The following RSPO3 variants were observed in gnomAD, a reference collection of about 807,000 sequenced individuals.
RSPO3 encodes the protein R-spondin 3.
Under a neutral mutation model 36.5 loss-of-function variants are expected in RSPO3, and 17 were observed. The ratio of observed to expected loss-of-function variants is 0.47; its 90% CI spans 0.32 to 0.70. The LOEUF is 0.70. RSPO3 is among the 30% of genes least tolerant of loss of function. The probability of loss-of-function intolerance (pLI) is 0.04; values close to 1 mark genes in which losing one functional copy is unlikely to be tolerated. For missense variants in RSPO3, 294 were observed against 322.5 expected (o/e 0.91, Z 0.68); for synonymous variants, 108 against 107.0 (o/e 1.01, Z -0.06).
intron 1 of RSPO3, among the ~76,000 whole-genome samples, chr6:127,136,947 TG>T: frequency 6.6e-6 from 1 of 152,152 alleles, no homozygotes; most frequent in East Asian, 1.9e-4. Flanking sequence ...GAGCTTATTG[TG>T]GGGAGAAGGA....
intron 4 of RSPO3, among the ~76,000 whole-genome samples, chr6:127,181,329 C>A (rs1775182663): frequency 6.6e-6 from 1 of 151,638 alleles, no homozygotes; most frequent in African/African-American, 2.4e-5. Context: ...AATACAGTAC[C>A]CCATATATAA....
At chr6:127,129,913 T>C (rs1774017412) in intron 1 of RSPO3, among the ~76,000 whole-genome samples, 1 of 152,072 alleles carries the variant, frequency 6.6e-6, no homozygotes, top group African/African-American at 2.4e-5. Context: ...CTTGTAAACA[T>C]CCTTAGGTCA....
chr6:127,152,325 C>T (rs954117338), intron 3 of RSPO3, among the ~76,000 whole-genome samples: 2 of 152,110 alleles, frequency 1.3e-5, no homozygotes, highest in Non-Finnish European at 2.9e-5. Context: ...CGGTTGTTTG[C>T]TCAATAAGAG....
At chr6:127,176,842 C>T (rs1775066259) in intron 4 of RSPO3, among the ~76,000 whole-genome samples, 1 of 151,786 alleles carries the variant, frequency 6.6e-6, no homozygotes, top group East Asian at 1.9e-4. Context: ...GGCTGTCATT[C>T]CTTGAAGCTG....
At chr6:127,124,748 G>A (rs1773908034) in intron 1 of RSPO3, among the ~76,000 whole-genome samples, 2 of 152,008 alleles carry the variant, frequency 1.3e-5, no homozygotes, top group Non-Finnish European at 2.9e-5. Context: ...TGTAAAAGAT[G>A]CTAGCCATCT....
intron 4 of RSPO3, among the ~76,000 whole-genome samples, chr6:127,185,479 T>G (rs953538338): frequency 6.6e-6 from 1 of 152,094 alleles, no homozygotes; most frequent in African/African-American, 2.4e-5. Flanking sequence ...TCCTGAAGCA[T>G]AGTGAAACCA....
At chr6:127,160,440 G>A (rs2114600848) in intron 4 of RSPO3, among the ~76,000 whole-genome samples, 1 of 152,302 alleles carries the variant, frequency 6.6e-6, no homozygotes, top group Non-Finnish European at 1.5e-5. Flanking sequence ...TAAGCCAGTG[G>A]TGTTCAACAG....
At chr6:127,142,475 T>G (rs1459888177) in intron 1 of RSPO3, among the ~76,000 whole-genome samples, 4 of 152,170 alleles carry the variant, frequency 2.6e-5, no homozygotes, top group African/African-American at 9.7e-5. Flanking sequence ...AAATGTAATA[T>G]TACTCCAAAC....
At chr6:127,131,264 A>G (rs972596128) in intron 1 of RSPO3, among the ~76,000 whole-genome samples, 2 of 152,218 alleles carry the variant, frequency 1.3e-5, no homozygotes, top group Non-Finnish European at 2.9e-5. Flanking sequence ...TTCTAACAGA[A>G]TAAGGGAGAG....
At chr6:127,180,265 T>C (rs1775153814) in intron 4 of RSPO3, among the ~76,000 whole-genome samples, 1 of 151,582 alleles carries the variant, frequency 6.6e-6, no homozygotes, top group Admixed American at 6.6e-5. Flanking sequence ...TAGTTAACTA[T>C]GTAGTGTGAC....
At chr6:127,133,710 T>A (rs966208360) in intron 1 of RSPO3, among the ~76,000 whole-genome samples, 1 of 152,110 alleles carries the variant, frequency 6.6e-6, no homozygotes, top group Non-Finnish European at 1.5e-5. Context: ...ACCATATTTT[T>A]AAAAAGCTAA....
intron 1 of RSPO3, among the ~76,000 whole-genome samples, chr6:127,146,960 G>A (rs1481277950): frequency 6.6e-6 from 1 of 152,068 alleles, no homozygotes; most frequent in East Asian, 1.9e-4. Flanking sequence ...AAATGACCCT[G>A]TTACTTGGAA....
intron 1 of RSPO3, among the ~76,000 whole-genome samples, chr6:127,143,536 AT>A (rs771923657): frequency 2.1e-4 from 32 of 152,188 alleles, no homozygotes; most frequent in Non-Finnish European, 4.0e-4. Context: ...GAATTTATTA[AT>A]TTTTAATTAG....
At chr6:127,176,664 A>G (rs575757441) in intron 4 of RSPO3, among the ~76,000 whole-genome samples, 3 of 151,950 alleles carry the variant, frequency 2.0e-5, no homozygotes, top group South Asian at 2.1e-4. Flanking sequence ...TTTAGGATGA[A>G]TGTATAATAA....
In RSPO3 at chr6:127,171,139, T is replaced by C. The variant is rs1774925582; in HGVS notation, c.634+15701T>C. ...ATACCAAAGTACTGTATTTTAAAAC[T>C]GTTGAACAAGATGTTTTCTAAAACC... On this transcript the variant is annotated intron_variant, in intron 4 of 4. Transcript: ENST00000356698. Among the ~76,000 whole-genome samples the C allele has an allele frequency of 2.0e-5, 3 of 152,004 alleles. No individual in the cohort carries two copies. In the South Asian group the frequency reaches 6.2e-4, roughly 31 times the overall value.
At chr6:127,147,730 C>T (rs1196314002) in intron 1 of RSPO3, among the ~76,000 whole-genome samples, 1 of 152,154 alleles carries the variant, frequency 6.6e-6, no homozygotes, top group African/African-American at 2.4e-5. Context: ...TCTTAACTCA[C>T]ACACTGGTAA....
rs1053675634 is a variant in RSPO3 at position 127,155,395 on chromosome 6, A to G, written c.591A>G (p.Arg197=). 1 of 1,613,858 alleles carries G rather than the reference A, an allele frequency of 6.2e-7. No individual in the cohort carries two copies. Among genetic ancestry groups the G allele is most frequent in the Non-Finnish European group, 8.5e-7 (1 of 1,179,858 alleles). ...GNLCPPTNET[R]KCTVQRKKCQ... ...TGTGTCCCCCAACAAATGAGACAAGAAAGTGTACAGTGCAAAGGAAGAAGT... is the reference window on the plus strand; with the variant it reads ...TGTGTCCCCCAACAAATGAGACAAGGAAGTGTACAGTGCAAAGGAAGAAGT... Residue 197 remains arginine (R), a synonymous_variant, in exon 4 of 5, where the codon AGA becomes AGG. Transcript: ENST00000356698.
chr6:127,155,478 A>C, intron 4 of RSPO3, 40 bp downstream of exon 4: 3 of 1,559,492 alleles, frequency 1.9e-6, no homozygotes, highest in Non-Finnish European at 2.6e-6. Flanking sequence ...TTGAATCCTC[A>C]TAATCTGTTG....
chr6:127,121,865 G>T (rs1396561862), intron 1 of RSPO3, among the ~76,000 whole-genome samples: 2 of 152,128 alleles, frequency 1.3e-5, no homozygotes, highest in Non-Finnish European at 2.9e-5. Flanking sequence ...TATCCTAATT[G>T]TTTCTTCAAG....
Sources: allele counts gnomAD v4.1 joint callset (sites outside exome capture counted in the v4.1 genomes callset), GRCh38; gene constraint gnomAD v4.1.1; transcripts MANE v1.5; gene names NCBI Gene and HGNC (gene_info 2026-07-23, HGNC 2026-07-21).